Variants in NEGR1 observed in about 807,000 individuals in gnomAD.
The protein encoded by NEGR1 is neuronal growth regulator 1, also known as IgLON family member 4.
In NEGR1, 10 loss-of-function variants were observed where a neutral mutation model predicts 40.9. The observed-to-expected ratio is 0.24, with a 90% confidence interval of 0.15 to 0.42. NEGR1 has a LOEUF of 0.42. NEGR1 is among the 10% of genes least tolerant of loss of function. NEGR1 has a pLI of 1.00. For synonymous variants in NEGR1, 185 were observed against 166.8 expected (o/e 1.11, Z -0.84); for missense variants, 352 against 438.9 (o/e 0.80, Z 1.77).
At chr1:72,120,826 G>C (rs940165624) in intron 1 of NEGR1, among the ~76,000 whole-genome samples, 3 of 151,914 alleles carry the variant, frequency 2.0e-5, no homozygotes, top group Non-Finnish European at 4.4e-5. Flanking sequence ...TTTGCTTATG[G>C]TTTGCAATTT....
At chr1:72,010,622 C>T (rs1228264028) in intron 1 of NEGR1, among the ~76,000 whole-genome samples, 1 of 150,366 alleles carries the variant, frequency 6.7e-6, no homozygotes, top group Non-Finnish European at 1.5e-5. Context: ...CAACCCCTTT[C>T]TCCACTCTCC....
chr1:71,423,700 G>C (rs1646411481), intron 6 of NEGR1, among the ~76,000 whole-genome samples: 1 of 152,046 alleles, frequency 6.6e-6, no homozygotes, highest in African/African-American at 2.4e-5. Context: ...GGGTGGGATA[G>C]CAATCACATT....
chr1:71,807,203 T>C (rs1455733624), intron 2 of NEGR1, among the ~76,000 whole-genome samples: 1 of 152,054 alleles, frequency 6.6e-6, no homozygotes, highest in Non-Finnish European at 1.5e-5. Context: ...GCCATGTCGA[T>C]CTATTTTTAA....
At chr1:71,744,132 G>T (rs983479294) in intron 3 of NEGR1, among the ~76,000 whole-genome samples, 2 of 151,876 alleles carry the variant, frequency 1.3e-5, no homozygotes, top group Non-Finnish European at 2.9e-5. Context: ...ACCTTATTTA[G>T]TATTATTTAT....
intron 1 of NEGR1, among the ~76,000 whole-genome samples, chr1:72,059,344 T>A (rs2100490893): frequency 6.6e-6 from 1 of 151,688 alleles, no homozygotes; most frequent in Admixed American, 6.6e-5. Flanking sequence ...ACCCTCCTTC[T>A]TTTTAAAAAA....
At chr1:71,983,354 G>A (rs1646369481) in intron 1 of NEGR1, among the ~76,000 whole-genome samples, 1 of 152,150 alleles carries the variant, frequency 6.6e-6, no homozygotes, top group East Asian at 1.9e-4. Flanking sequence ...TGAAATAATG[G>A]AAAGCGCTTA....
intron 4 of NEGR1, among the ~76,000 whole-genome samples, chr1:71,642,614 CA>C (rs879672787): frequency 1.8e-3 from 255 of 140,162 alleles, no homozygotes; most frequent in South Asian, 3.6e-3. Context: ...ACTATGCAGT[CA>C]AAAAAAAAAA....
chr1:71,838,132 A>G (rs1659108881), intron 2 of NEGR1, among the ~76,000 whole-genome samples: 2 of 152,144 alleles, frequency 1.3e-5, no homozygotes, highest in Non-Finnish European at 2.9e-5. Context: ...ACATAATTAA[A>G]TAATGTATTT....
At chr1:71,710,813 G>A (rs1256012809) in intron 3 of NEGR1, among the ~76,000 whole-genome samples, 2 of 152,050 alleles carry the variant, frequency 1.3e-5, no homozygotes, top group African/African-American at 4.8e-5. Flanking sequence ...AAGATCTACT[G>A]TTTGATAGCA....
At chr1:72,126,300 A>T (rs941591873) in intron 1 of NEGR1, among the ~76,000 whole-genome samples, 1 of 152,098 alleles carries the variant, frequency 6.6e-6, no homozygotes, top group Non-Finnish European at 1.5e-5. Context: ...ACAAAACAAA[A>T]TTTACAAAAA....
intron 4 of NEGR1, among the ~76,000 whole-genome samples, chr1:71,683,240 C>T (rs963051779): frequency 1.3e-5 from 2 of 151,966 alleles, no homozygotes; most frequent in Non-Finnish European, 2.9e-5. Flanking sequence ...TATGGCCCTT[C>T]GTGGGGGTCT....
At chr1:71,519,489 A>G (rs1647138017) in intron 6 of NEGR1, among the ~76,000 whole-genome samples, 3 of 68,880 alleles carry the variant, frequency 4.4e-5, no homozygotes, top group African/African-American at 6.2e-5. Flanking sequence ...ACAAAAAACC[A>G]AACACCGCAT....
At position 71,758,335 on chromosome 1, in the gene NEGR1, C is replaced by A. The variant is rs190483144; in HGVS notation, c.535+17837G>T. 2.6e-5 allele frequency among the ~76,000 whole-genome samples: 4 copies of A among 152,102 alleles called. No individual in the cohort carries two copies. The East Asian group carries it at 7.7e-4, about 29-fold the overall frequency. ...ATTAATCAGATACATTTATTAGTCA[C>A]ATTAAGATTTTACAGTATTCTAAAA... On this transcript the variant is annotated intron_variant, in intron 3 of 6. Coordinates refer to ENST00000357731, the MANE Select transcript of NEGR1 (RefSeq NM_173808.3).
intron 1 of NEGR1, among the ~76,000 whole-genome samples, chr1:71,984,383 C>T (rs535555049): frequency 5.9e-5 from 9 of 152,096 alleles, no homozygotes; most frequent in African/African-American, 2.2e-4. Flanking sequence ...CCTCGGCCCC[C>T]CAAAGTGCTG....
intron 4 of NEGR1, among the ~76,000 whole-genome samples, chr1:71,646,311 T>C (rs1444776219): frequency 6.6e-6 from 1 of 151,784 alleles, no homozygotes; most frequent in Non-Finnish European, 1.5e-5. Flanking sequence ...TCCTAAGGAA[T>C]AGTGCATATA....
At chr1:71,823,967 A>G (rs1376775664) in intron 2 of NEGR1, among the ~76,000 whole-genome samples, 2 of 152,040 alleles carry the variant, frequency 1.3e-5, no homozygotes, top group African/African-American at 2.4e-5. Context: ...ACTGAAGTGC[A>G]CAGAAGCTGA....
At chr1:71,623,978 AAT>A (rs1462873261) in intron 4 of NEGR1, among the ~76,000 whole-genome samples, 1 of 151,930 alleles carries the variant, frequency 6.6e-6, no homozygotes, top group Non-Finnish European at 1.5e-5. Flanking sequence ...ATTATTAAAG[AAT>A]ATGTTTGGGT....
At chr1:71,746,294 A>C (rs1353976574) in intron 3 of NEGR1, among the ~76,000 whole-genome samples, 4 of 152,214 alleles carry the variant, frequency 2.6e-5, no homozygotes, top group African/African-American at 9.6e-5. Context: ...TTAATGAATA[A>C]ATAAAATAAT....
intron 4 of NEGR1, among the ~76,000 whole-genome samples, chr1:71,668,355 G>C (rs991945962): frequency 6.6e-6 from 1 of 152,206 alleles, no homozygotes; most frequent in African/African-American, 2.4e-5. Flanking sequence ...AGTGGAAGCA[G>C]CAATTGAGAG....
Sources: allele counts gnomAD v4.1 joint callset (sites outside exome capture counted in the v4.1 genomes callset), GRCh38; gene constraint gnomAD v4.1.1; transcripts MANE v1.5; gene names NCBI Gene and HGNC (gene_info 2026-07-23, HGNC 2026-07-21).